Variants in WDR12 observed in about 807,000 individuals in gnomAD.
The protein encoded by WDR12 is WD repeat domain 12, also known as ribosome biogenesis protein WDR12.
In WDR12, 42 loss-of-function variants were observed where a neutral mutation model predicts 64.3. That is an observed-to-expected ratio of 0.65 (90% confidence interval 0.51 to 0.84). The LOEUF (loss-of-function observed/expected upper bound fraction) is 0.84. Among genes scored for constraint, WDR12 ranks in the 40% least tolerant of loss-of-function variants. The probability of loss-of-function intolerance (pLI) is 0.00; values close to 1 mark genes in which losing one functional copy is unlikely to be tolerated. For synonymous variants in WDR12, 158 were observed against 173.3 expected (o/e 0.91, Z 0.70); for missense variants, 469 against 494.6 (o/e 0.95, Z 0.49).
At chr2:202,890,701 G>A (rs1379709120) in intron 8 of WDR12, among the ~76,000 whole-genome samples, 1 of 151,900 alleles carries the variant, frequency 6.6e-6, no homozygotes. Context: ...AACCCGGGGG[G>A]CGGAGCTTGC....
Position 202,880,881 on chromosome 2 carries a change from G to A in WDR12, c.1251C>T (p.Thr417=), listed in dbSNP as rs748473032. 36 of 1,610,078 alleles carry A rather than the reference G, an allele frequency of 2.2e-5. No homozygotes were observed. The highest frequency in any genetic ancestry group is 3.1e-5 in the Non-Finnish European group (36 of 1,178,136). Residue 417 remains threonine (T), a synonymous_variant, in exon 13 of 13, where the codon ACC becomes ACT. Coordinates refer to ENST00000261015, the MANE Select transcript of WDR12 (RefSeq NM_018256.4). ...NKLYSYRYSP[T]TSHVGA Reference sequence around the variant, plus strand: ...ACTTTCATGCCCCAACATGGGAAGTGGTAGGTGAATATCTGTAGGAATACA... The same window carrying A: ...ACTTTCATGCCCCAACATGGGAAGTAGTAGGTGAATATCTGTAGGAATACA...
Position 202,877,824 on chromosome 2 carries a change from C to T in WDR12, c.*3036G>A, listed in dbSNP as rs1435243037. On this transcript the variant is annotated 3_prime_UTR_variant, in exon 13 of 13. Coordinates refer to ENST00000261015, the MANE Select transcript of WDR12 (RefSeq NM_018256.4). Reference sequence around the variant, plus strand: ...TTTCCCCAACCACGGGAAAGCAGCACCACTCATTTATCCAAGTGATTCTTG... The same window carrying T: ...TTTCCCCAACCACGGGAAAGCAGCATCACTCATTTATCCAAGTGATTCTTG... 1 of 152,230 alleles carries T rather than the reference C, an allele frequency of 6.6e-6. No homozygotes were observed. Among genetic ancestry groups the T allele is most frequent in the African/African-American group, 2.4e-5 (1 of 41,440 alleles). 9.4% of individuals were successfully genotyped at this position (152,230 alleles called of 1,614,324 possible). A position where few individuals can be genotyped will look rare whatever the true frequency, so the allele number is the denominator to read the frequency against.
chr2:202,909,516 G>C (rs1315990094), intron 1 of WDR12, among the ~76,000 whole-genome samples: 1 of 152,158 alleles, frequency 6.6e-6, no homozygotes, highest in African/African-American at 2.4e-5. Flanking sequence ...ATCAGTGGTT[G>C]CCTAGGGCTG....
At chr2:202,900,965 T>C in intron 3 of WDR12, 60 bp downstream of exon 3, 1 of 1,397,966 alleles carries the variant, frequency 7.2e-7, no homozygotes, top group Non-Finnish European at 9.9e-7. Flanking sequence ...TAAAAGGAGT[T>C]TACCTACAAT....
intron 12 of WDR12, 95 bp downstream of exon 12, chr2:202,882,616 C>T: frequency 2.3e-6 from 3 of 1,327,280 alleles, no homozygotes; most frequent in Non-Finnish European, 1.1e-6. Flanking sequence ...GCGTGAGCCA[C>T]TGCACCCGGC....
At chr2:202,904,980 T>C (rs558766123) in intron 2 of WDR12, among the ~76,000 whole-genome samples, 1 of 152,304 alleles carries the variant, frequency 6.6e-6, no homozygotes, top group East Asian at 1.9e-4. Context: ...TAGGTAAAAA[T>C]TTAATAATCT....
Position 202,909,290 on chromosome 2 carries a change from C to T in WDR12, c.42-1331G>A, listed in dbSNP as rs575307965. 3.8e-4 allele frequency among the ~76,000 whole-genome samples: 58 copies of T among 152,266 alleles called. 1 individual carries two copies. The South Asian group carries it at 0.012, about 30-fold the overall frequency. ...CTAAAAGGTATAAACAACCTAAATG[C>T]CCACCAGCTGATGAATGGAAAAATA... is the stretch of plus-strand genomic sequence containing the variant. On this transcript the variant is annotated intron_variant, in intron 1 of 12. Coordinates refer to ENST00000261015, the MANE Select transcript of WDR12 (RefSeq NM_018256.4).
In WDR12 at chr2:202,897,865, G is replaced by A. The variant is rs576071363; in HGVS notation, c.339-450C>T. ...GATTGCGCCACTGCACACCAGCCTGGGTGACAGAGCGAGACTCCGTTTCAA... is the reference window on the plus strand; with the variant it reads ...GATTGCGCCACTGCACACCAGCCTGAGTGACAGAGCGAGACTCCGTTTCAA... On this transcript the variant is annotated intron_variant, in intron 4 of 12. Coordinates refer to ENST00000261015, the MANE Select transcript of WDR12 (RefSeq NM_018256.4). Among the ~76,000 whole-genome samples, 36 of 127,102 alleles carry A rather than the reference G, an allele frequency of 2.8e-4. 1 individual carries two copies. Among genetic ancestry groups the A allele is most frequent in the African/African-American group, 9.2e-4 (31 of 33,740 alleles). 83.4% of individuals were successfully genotyped at this position (127,102 alleles called of 152,430 possible).
At chr2:202,906,948 A>G (rs1167759606) in intron 2 of WDR12, among the ~76,000 whole-genome samples, 1 of 151,228 alleles carries the variant, frequency 6.6e-6, no homozygotes, top group Admixed American at 6.6e-5. Flanking sequence ...ACCTATCACC[A>G]AACTTCAACA....
intron 8 of WDR12, 130 bp from the exon 9 acceptor site, chr2:202,884,665 T>TCTC: frequency 1.1e-6 from 1 of 912,730 alleles, no homozygotes; most frequent in East Asian, 3.0e-5. Flanking sequence ...CTGACTTATT[T>TCTC]CTTCCTTTAC....
At chr2:202,898,027 A>G (rs1186756484) in intron 4 of WDR12, among the ~76,000 whole-genome samples, 1 of 149,286 alleles carries the variant, frequency 6.7e-6, no homozygotes, top group Non-Finnish European at 1.5e-5. Context: ...GACTTGGATC[A>G]CATCCCTAAA....
chr2:202,911,314 G>A (rs534251108), intron 1 of WDR12, 122 bp downstream of exon 1: 2 of 931,566 alleles, frequency 2.1e-6, no homozygotes, highest in Non-Finnish European at 3.5e-6. Context: ...TTAGAAAGCA[G>A]GTAATCTCAG....
chr2:202,892,620 T>G lies in WDR12; in HGVS notation c.738A>C (p.Thr246=). 1 of 1,611,916 alleles carries G rather than the reference T, an allele frequency of 6.2e-7. No homozygotes were observed. The change falls in exon 8 of 13, where the codon ACA becomes ACC. Residue 246 remains threonine, a synonymous_variant. Transcript: ENST00000261015. The part of the protein sequence containing the change: ...KKQKTEQLGL[T]RTPIVTLSGH... Reference sequence around the variant, plus strand: ...GTCAGTTCTCACAAATACTGACCCTTGTTAGTCCCAACTGTTCTGTCTTCT... The same window carrying G: ...GTCAGTTCTCACAAATACTGACCCTGGTTAGTCCCAACTGTTCTGTCTTCT...
rs115266014 is a variant in WDR12 at position 202,902,081 on chromosome 2, T to C, written c.137-962A>G. 8.9e-3 allele frequency among the ~76,000 whole-genome samples: 1,349 copies of C among 152,322 alleles called. 17 individuals are homozygous for C. Among genetic ancestry groups the C allele is most frequent in the Non-Finnish European group, 0.012 (791 of 68,028 alleles). The stretch of plus-strand genomic sequence containing the variant: ...AACCAATACTGTACTTACATTCATT[T>C]CTTTCAGAGTTGCAATATGGTAACA... On this transcript the variant is annotated intron_variant, in intron 2 of 12. Transcript: ENST00000261015.
chr2:202,891,927 A>T (rs758125329), intron 8 of WDR12, among the ~76,000 whole-genome samples: 4 of 152,198 alleles, frequency 2.6e-5, no homozygotes, highest in South Asian at 4.1e-4. Context: ...GAAATGGGGA[A>T]ATGTTGGTCC....
At chr2:202,888,460 A>G (rs1688090513) in intron 8 of WDR12, among the ~76,000 whole-genome samples, 1 of 152,214 alleles carries the variant, frequency 6.6e-6, no homozygotes, top group South Asian at 2.1e-4. Context: ...CTTTTCTTTA[A>G]AAGTAGAAAA....
intron 8 of WDR12, among the ~76,000 whole-genome samples, chr2:202,886,505 A>C (rs1014003186): frequency 1.3e-5 from 2 of 151,392 alleles, no homozygotes; most frequent in Admixed American, 6.6e-5. Flanking sequence ...GCGGTGGCTC[A>C]CACCCGTAAT....
Position 202,911,530 on chromosome 2 carries a change from A to T in WDR12, c.-54T>A, listed in dbSNP as rs111308685. 2.8e-4 allele frequency: 433 copies of T among 1,544,564 alleles called. 1 individual carries two copies. In the African/African-American group the frequency reaches 4.0e-3, roughly 14 times the overall value. On this transcript the variant is annotated 5_prime_UTR_variant, in exon 1 of 13. Transcript: ENST00000261015. ...GAAACGTACGGGTTAGCAGACCCAC[A>T]ACACGAAGCTCCTGCCTTTTAAGAC...
intron 2 of WDR12, among the ~76,000 whole-genome samples, chr2:202,906,671 C>T (rs753276383): frequency 4.6e-5 from 7 of 152,090 alleles, no homozygotes; most frequent in Non-Finnish European, 1.0e-4. Context: ...CGAGACCAGC[C>T]TCGCCAAATG....
Sources: gnomAD v4.1 joint callset for allele counts (sites outside exome capture counted in the v4.1 genomes callset) on GRCh38, gnomAD v4.1.1 for gene constraint, MANE v1.5 for transcripts, NCBI Gene and HGNC (gene_info 2026-07-23, HGNC 2026-07-21) for gene names.